The following ENTPD4 variants were observed in gnomAD, a reference collection of about 807,000 sequenced individuals.
The protein encoded by ENTPD4 is Golgi UDPase.
In ENTPD4, 60 loss-of-function variants were observed where a neutral mutation model predicts 79.1. The ratio of observed to expected loss-of-function variants is 0.76; its 90% CI spans 0.62 to 0.94. The LOEUF is 0.94. Among genes scored for constraint, ENTPD4 ranks in the 40% least tolerant of loss-of-function variants. The pLI is 0.00. For synonymous variants in ENTPD4, 276 were observed against 292.0 expected (o/e 0.95, Z 0.56); for missense variants, 772 against 775.1 (o/e 1.00, Z 0.05).
In ENTPD4 at chr8:23,449,158, T is replaced by C. The variant is rs190565104; in HGVS notation, c.9-219A>G. Among the ~76,000 whole-genome samples the C allele has an allele frequency of 3.4e-3, 522 of 152,350 alleles. 1 individual carries two copies. Among genetic ancestry groups the C allele is most frequent in the Non-Finnish European group, 3.4e-3 (228 of 68,028 alleles). On this transcript the variant is annotated intron_variant, in intron 2 of 12. Transcript: ENST00000358689. ...CAGGCCCTGAAGGTTACGACACTTC[T>C]GGGTTTTCCCCTTCTCTTGACAGTA... is the stretch of plus-strand genomic sequence containing the variant.
At chr8:23,446,007 G>GT (rs1491071582) in intron 4 of ENTPD4, among the ~76,000 whole-genome samples, 28 of 151,910 alleles carry the variant, frequency 1.8e-4, no homozygotes, top group East Asian at 1.9e-4. Flanking sequence ...TGACTAAACT[G>GT]TAAGTTTTTG....
At chr8:23,436,192 T>C (rs1381362676) in intron 10 of ENTPD4, among the ~76,000 whole-genome samples, 2 of 152,158 alleles carry the variant, frequency 1.3e-5, no homozygotes, top group Admixed American at 1.3e-4. Flanking sequence ...TCTGACATGA[T>C]TACAGCATAC....
intron 1 of ENTPD4, among the ~76,000 whole-genome samples, chr8:23,455,603 T>C (rs1800944204): frequency 6.6e-6 from 1 of 152,248 alleles, no homozygotes; most frequent in South Asian, 2.1e-4. Context: ...CAATATAAAA[T>C]CTTAACCTCT....
In ENTPD4 at chr8:23,437,135, G is replaced by C. The variant is rs1172381629; in HGVS notation, c.1173C>G (p.Asp391Glu). 2 of 1,614,064 alleles carry C rather than the reference G, an allele frequency of 1.2e-6. No individual in the cohort carries two copies. Among genetic ancestry groups the C allele is most frequent in the Non-Finnish European group, 1.7e-6 (2 of 1,180,032 alleles). Reference protein sequence around the residue: ...GQTIYLRGTGDFDLCRETIQP... With the variant: ...GQTIYLRGTGEFDLCRETIQP... ...GGATAGTCTCTCGACACAGGTCAAA[G>C]TCTCCAGTCCCTCGTAGGTATATGG... is the stretch of plus-strand genomic sequence containing the variant. Residue 391 changes from aspartate (D) to glutamate (E), a missense_variant, in exon 10 of 13, where the codon GAC becomes GAG. Transcript: ENST00000358689.
At chr8:23,453,305 C>G (rs1042181960) in intron 1 of ENTPD4, among the ~76,000 whole-genome samples, 1 of 152,096 alleles carries the variant, frequency 6.6e-6, no homozygotes, top group Non-Finnish European at 1.5e-5. Context: ...AATCAATGAT[C>G]TAGACGTTTA....
At chr8:23,449,526 T>A (rs1045838462) in intron 2 of ENTPD4, among the ~76,000 whole-genome samples, 1 of 152,154 alleles carries the variant, frequency 6.6e-6, no homozygotes, top group African/African-American at 2.4e-5. Context: ...AGTCAATAAA[T>A]GAGTTTTCTA....
intron 12 of ENTPD4, among the ~76,000 whole-genome samples, 194 bp from the exon 13 acceptor site, chr8:23,433,348 CTCTGAAGTCGG>C (rs1338696858): frequency 6.6e-6 from 1 of 152,162 alleles, no homozygotes; most frequent in Non-Finnish European, 1.5e-5. Flanking sequence ...TGAAAGTATA[CTCTGAAGTCGG>C]TCATTATAAT....
chr8:23,430,768 G>A lies in ENTPD4; in HGVS notation c.*2158C>T. ...CCACCTGCCCACTTCAACCATTTGTGGCCCCTTCCTTTCCTTTCTTCCCTC... is the reference window on the plus strand; with the variant it reads ...CCACCTGCCCACTTCAACCATTTGTAGCCCCTTCCTTTCCTTTCTTCCCTC... On this transcript the variant is annotated 3_prime_UTR_variant, in exon 13 of 13. Transcript: ENST00000358689. The A allele has an allele frequency of 1.0e-6, 1 of 985,682 alleles. No homozygotes were observed. The highest frequency in any genetic ancestry group is 1.2e-6 in the Non-Finnish European group (1 of 830,172). 61.1% of individuals were successfully genotyped at this position (985,682 alleles called of 1,614,324 possible).
chr8:23,430,083 G>C lies in ENTPD4; in HGVS notation c.*2843C>G. The C allele has an allele frequency of 2.0e-6, 2 of 985,352 alleles. No individual in the cohort carries two copies. Among genetic ancestry groups the C allele is most frequent in the South Asian group, 9.4e-5 (2 of 21,290 alleles). The allele number at this position is 985,352 out of a possible 1,614,324, so 61.0% of individuals were successfully genotyped here. On this transcript the variant is annotated 3_prime_UTR_variant, in exon 13 of 13. Transcript: ENST00000358689. ...AGTACACAGAATTTACTGCCTTCTTGGTCAGCTCTTGGTATGAATTCTTCT... is the reference window on the plus strand; with the variant it reads ...AGTACACAGAATTTACTGCCTTCTTCGTCAGCTCTTGGTATGAATTCTTCT...
chr8:23,436,443 G>A (rs768301947), intron 10 of ENTPD4, among the ~76,000 whole-genome samples: 7 of 152,078 alleles, frequency 4.6e-5, no homozygotes, highest in South Asian at 2.1e-4. Context: ...GCAGGCAACC[G>A]GGCAGGGGTC....
chr8:23,444,018 G>T (rs1411790896), intron 5 of ENTPD4, 65 bp from the exon 6 acceptor site: 4 of 1,119,364 alleles, frequency 3.6e-6, no homozygotes, highest in Non-Finnish European at 5.2e-6. Context: ...GTTTAGAAAA[G>T]GAAAAAAATA....
At chr8:23,449,455 T>C (rs1324273292) in intron 2 of ENTPD4, among the ~76,000 whole-genome samples, 1 of 152,048 alleles carries the variant, frequency 6.6e-6, no homozygotes, top group Non-Finnish European at 1.5e-5. Context: ...CCAAGGCAAA[T>C]TTCTCCCAGA....
intron 1 of ENTPD4, among the ~76,000 whole-genome samples, chr8:23,456,263 T>C (rs111244712): frequency 3.9e-4 from 59 of 152,342 alleles, no homozygotes; most frequent in Non-Finnish European, 7.2e-4. Flanking sequence ...GCTGTCTCCA[T>C]GCCTGCCTCA....
At chr8:23,456,227 AG>A (rs1398258937) in intron 1 of ENTPD4, among the ~76,000 whole-genome samples, 3 of 152,208 alleles carry the variant, frequency 2.0e-5, no homozygotes, top group African/African-American at 7.2e-5. Flanking sequence ...CCAGTGCAGC[AG>A]GTCTCTCTCT....
Position 23,431,693 on chromosome 8 carries a change from G to C in ENTPD4, c.*1233C>G, listed in dbSNP as rs930596778. On this transcript the variant is annotated 3_prime_UTR_variant, in exon 13 of 13. Coordinates refer to ENST00000358689, the MANE Select transcript of ENTPD4 (RefSeq NM_004901.5). ...AAGCTGAGATGACTTTTAATTAAGGGGGGTGGGGGAAACACCAATTGGAAG... is the reference window on the plus strand; with the variant it reads ...AAGCTGAGATGACTTTTAATTAAGGCGGGTGGGGGAAACACCAATTGGAAG... 13 of 985,400 alleles carry C rather than the reference G, an allele frequency of 1.3e-5. No homozygotes were observed. The highest frequency in any genetic ancestry group is 1.6e-5 in the Non-Finnish European group (13 of 830,060). The allele number at this position is 985,400 out of a possible 1,614,324, so 61.0% of individuals were successfully genotyped here. A position where few individuals can be genotyped will look rare whatever the true frequency, so the allele number is the denominator to read the frequency against.
intron 9 of ENTPD4, among the ~76,000 whole-genome samples, chr8:23,439,020 T>G (rs1482025775): frequency 6.6e-6 from 1 of 152,186 alleles, no homozygotes; most frequent in Non-Finnish European, 1.5e-5. Context: ...CAGTAATAAA[T>G]AGGATAGCTT....
chr8:23,457,294 G>A (rs1800976275), intron 1 of ENTPD4, among the ~76,000 whole-genome samples: 1 of 145,954 alleles, frequency 6.9e-6, no homozygotes, highest in African/African-American at 2.8e-5. Flanking sequence ...GCGCGCGACC[G>A]CCAGGTGTCC....
intron 9 of ENTPD4, among the ~76,000 whole-genome samples, chr8:23,437,651 C>T (rs1008062870): frequency 3.3e-5 from 5 of 152,188 alleles, no homozygotes; most frequent in African/African-American, 1.2e-4. Context: ...AAGATCCGGT[C>T]CTGGGCAAAG....
intron 5 of ENTPD4, 95 bp from the exon 6 acceptor site, chr8:23,444,048 C>G (rs1386324790): frequency 1.3e-6 from 1 of 794,282 alleles, no homozygotes; most frequent in African/African-American, 1.8e-5. Context: ...AAAACAAAAC[C>G]AGGGATCTGG....
Sources: allele counts gnomAD v4.1 joint callset (sites outside exome capture counted in the v4.1 genomes callset), GRCh38; gene constraint gnomAD v4.1.1; transcripts MANE v1.5; gene names NCBI Gene and HGNC (gene_info 2026-07-23, HGNC 2026-07-21).